The following MCPH1 variants were observed in gnomAD, a reference collection of about 807,000 sequenced individuals.
MCPH1 encodes the protein microcephalin.
Under a neutral mutation model 84.5 loss-of-function variants are expected in MCPH1, and 104 were observed. The observed-to-expected ratio is 1.23, with a 90% CI of 1.05 to 1.45. MCPH1 has a LOEUF of 1.45. Ranked by LOEUF, MCPH1 falls within the 40% of genes most tolerant of loss-of-function variation. The probability of loss-of-function intolerance (pLI) is 0.00; values close to 1 mark genes in which losing one functional copy is unlikely to be tolerated. For missense variants in MCPH1, 1,498 were observed against 1,005.7 expected (o/e 1.49, Z -6.62); for synonymous variants, 514 against 366.8 (o/e 1.40, Z -4.58).
At chr8:6,588,117 G>T (rs1586723714) in intron 12 of MCPH1, among the ~76,000 whole-genome samples, 1 of 152,168 alleles carries the variant, frequency 6.6e-6, no homozygotes, top group Admixed American at 6.5e-5. Context: ...TGGTTGTGGG[G>T]TGGCTGACAG....
chr8:6,631,874 A>T (rs773385625), intron 13 of MCPH1, among the ~76,000 whole-genome samples: 1 of 152,238 alleles, frequency 6.6e-6, no homozygotes, highest in Non-Finnish European at 1.5e-5. Context: ...TCTCAAAAGA[A>T]TAATTGTACA....
intron 12 of MCPH1, among the ~76,000 whole-genome samples, chr8:6,573,529 A>G (rs1272222266): frequency 3.3e-5 from 5 of 152,218 alleles, no homozygotes; most frequent in Non-Finnish European, 7.3e-5. Context: ...TAATAAACAC[A>G]TATTCTGCTC....
At position 6,637,256 on chromosome 8, in the gene MCPH1, A is replaced by T. The variant is rs2911993; in HGVS notation, c.2453-5738A>T. On this transcript the variant is annotated intron_variant, in intron 13 of 13. Transcript: ENST00000344683. ...CAGGCAGCAAACAATTTCTTTAAAA[A>T]TCCTTCTGGTGGTAAATGCAATGAA... Among the ~76,000 whole-genome samples, 904 of 152,322 alleles carry T rather than the reference A, an allele frequency of 5.9e-3. 6 individuals are homozygous for T. Among genetic ancestry groups the T allele is most frequent in the African/African-American group, 0.021 (857 of 41,566 alleles).
Position 6,645,303 on chromosome 8 carries a change from A to AT in MCPH1, c.*2256dup, listed in dbSNP as rs1798162704. The stretch of plus-strand genomic sequence containing the variant: ...TTATGAGGACTGACTGTTGCTAGAC[A>AT]TTACACTAAGCACATTATATGTTGT... On this transcript the variant is annotated 3_prime_UTR_variant, in exon 14 of 14. Coordinates refer to ENST00000344683, the MANE Select transcript of MCPH1 (RefSeq NM_024596.5). The AT allele has an allele frequency of 6.6e-6, 1 of 152,164 alleles. No individual in the cohort carries two copies. The highest frequency in any genetic ancestry group is 6.6e-5 in the Admixed American group (1 of 15,264). 9.4% of individuals were successfully genotyped at this position (152,164 alleles called of 1,614,324 possible). A position where few individuals can be genotyped will look rare whatever the true frequency, so the allele number is the denominator to read the frequency against.
chr8:6,550,459 C>G (rs899666767), intron 12 of MCPH1, among the ~76,000 whole-genome samples: 1 of 152,230 alleles, frequency 6.6e-6, no homozygotes, highest in Non-Finnish European at 1.5e-5. Flanking sequence ...GCATCCAGCG[C>G]GTCCTCACCT....
chr8:6,508,963 A>G (rs1276207021), intron 12 of MCPH1: 1 of 1,614,068 alleles, frequency 6.2e-7, no homozygotes, highest in Non-Finnish European at 8.5e-7. Flanking sequence ...ATTTGCAAAT[A>G]CATTTGTCGT....
intron 12 of MCPH1, chr8:6,503,258 C>T (rs752892660): frequency 6.2e-7 from 1 of 1,614,094 alleles, no homozygotes; most frequent in South Asian, 1.1e-5. Context: ...ATCAAACCAC[C>T]AGCCTGTGAA....
intron 1 of MCPH1, 61 bp from the exon 2 acceptor site, chr8:6,409,218 C>G (rs988782706): frequency 7.3e-7 from 1 of 1,371,512 alleles, no homozygotes; most frequent in Non-Finnish European, 1.0e-6. Context: ...AGAACAAAAT[C>G]TATTGGGCAG....
chr8:6,592,262 C>A (rs1828517426), intron 12 of MCPH1, among the ~76,000 whole-genome samples: 1 of 152,012 alleles, frequency 6.6e-6, no homozygotes, highest in African/African-American at 2.4e-5. Flanking sequence ...AGTGATCCTC[C>A]CACCTCAGCC....
At chr8:6,531,850 CCTT>C (rs1819580766) in intron 12 of MCPH1, among the ~76,000 whole-genome samples, 1 of 152,218 alleles carries the variant, frequency 6.6e-6, no homozygotes, top group East Asian at 1.9e-4. Context: ...CCACTTGTCT[CCTT>C]CTCCATAAAC....
chr8:6,638,994 G>A (rs1314153663), intron 13 of MCPH1, among the ~76,000 whole-genome samples: 1 of 152,188 alleles, frequency 6.6e-6, no homozygotes, highest in Non-Finnish European at 1.5e-5. Flanking sequence ...TAATTCCTCA[G>A]GCAGCATGTC....
At chr8:6,575,367 G>C (rs1293999536) in intron 12 of MCPH1, among the ~76,000 whole-genome samples, 1 of 152,138 alleles carries the variant, frequency 6.6e-6, no homozygotes, top group Non-Finnish European at 1.5e-5. Flanking sequence ...GGGACCCTTG[G>C]CCACGGTTTC....
At chr8:6,623,687 CCAA>C (rs1831728118) in intron 13 of MCPH1, among the ~76,000 whole-genome samples, 2 of 17,020 alleles carry the variant, frequency 1.2e-4, no homozygotes, top group African/African-American at 2.9e-4. Flanking sequence ...AAACCAACTT[CCAA>C]AAAAAAAAAA....
intron 13 of MCPH1, among the ~76,000 whole-genome samples, chr8:6,640,075 TG>T (rs1797832522): frequency 7.0e-6 from 1 of 143,862 alleles, no homozygotes; most frequent in Admixed American, 6.9e-5. Flanking sequence ...TGTGTGTGTG[TG>T]TGTGTGTGTG....
At chr8:6,623,371 CT>C (rs1366414121) in intron 13 of MCPH1, among the ~76,000 whole-genome samples, 26 of 151,454 alleles carry the variant, frequency 1.7e-4, no homozygotes, top group East Asian at 5.8e-4. Flanking sequence ...TCTCTCTCTC[CT>C]GTTCTCTCAT....
chr8:6,549,853 T>C (rs1166590657), intron 12 of MCPH1, among the ~76,000 whole-genome samples: 11 of 152,202 alleles, frequency 7.2e-5, no homozygotes, highest in Admixed American at 7.2e-4. Flanking sequence ...GATTTGTGAA[T>C]TTTATTCTGT....
At chr8:6,452,822 T>A (rs1401198378) in intron 8 of MCPH1, among the ~76,000 whole-genome samples, 1 of 152,232 alleles carries the variant, frequency 6.6e-6, no homozygotes, top group Admixed American at 6.5e-5. Flanking sequence ...TCTGTGGTAT[T>A]TTGTTATGGT....
intron 12 of MCPH1, among the ~76,000 whole-genome samples, chr8:6,562,030 C>A (rs1017451728): frequency 6.6e-6 from 1 of 152,206 alleles, no homozygotes; most frequent in Admixed American, 6.5e-5. Flanking sequence ...CGCTTGGGAA[C>A]TGTGCCCCTG....
intron 12 of MCPH1, among the ~76,000 whole-genome samples, chr8:6,619,880 G>A (rs1205616641): frequency 1.3e-5 from 2 of 152,150 alleles, no homozygotes; most frequent in Non-Finnish European, 2.9e-5. Flanking sequence ...CACCGTGCCC[G>A]GCCAGATACT....
Sources: allele counts gnomAD v4.1 joint callset (sites outside exome capture counted in the v4.1 genomes callset), GRCh38; gene constraint gnomAD v4.1.1; transcripts MANE v1.5; gene names NCBI Gene and HGNC (gene_info 2026-07-23, HGNC 2026-07-21).